The following RHOD variants were observed in gnomAD, a reference collection of about 807,000 sequenced individuals.
The protein encoded by RHOD is ras homolog family member D, also known as rho-related GTP-binding protein RhoD.
A neutral mutation model predicts 16.7 loss-of-function variants in RHOD; 11 were observed. The ratio of observed to expected loss-of-function variants is 0.66; its 90% CI spans 0.41 to 1.09. RHOD has a LOEUF of 1.09. RHOD is among the 50% of genes least tolerant of loss of function. The probability of loss-of-function intolerance (pLI) is 0.00; values close to 1 mark genes in which losing one functional copy is unlikely to be tolerated. For missense variants in RHOD, 271 were observed against 291.7 expected (o/e 0.93, Z 0.52); for synonymous variants, 124 against 126.3 (o/e 0.98, Z 0.12).
chr11:67,071,552 G>C lies in RHOD; in HGVS notation c.583G>C (p.Gly195Arg). The part of the protein sequence containing the change: ...EAAEVALSSR[G>R]RNFWRRITQG... ...CGCCGAGGTGGCCCTCAGCAGCCGC[G>C]GTCGCAACTTCTGGCGGCGGATTAC... Residue 195 changes from glycine (G) to arginine (R), a missense_variant, in exon 5 of 5, where the codon GGT becomes CGT. Gly to Arg is a moderately radical substitution (Grantham distance 125). Coordinates refer to ENST00000308831, the MANE Select transcript of RHOD (RefSeq NM_014578.4). 6.2e-7 allele frequency: 1 copy of C among 1,611,778 alleles called. No homozygotes were observed. Among genetic ancestry groups the C allele is most frequent in the Non-Finnish European group, 8.5e-7 (1 of 1,179,190 alleles).
intron 1 of RHOD, among the ~76,000 whole-genome samples, chr11:67,064,593 G>A (rs144307903): frequency 1.1e-4 from 17 of 152,286 alleles, no homozygotes; most frequent in South Asian, 2.1e-4. Context: ...CCCAGAGCAG[G>A]TATTGAGTCT....
intron 1 of RHOD, among the ~76,000 whole-genome samples, chr11:67,058,362 G>C (rs1456419348): frequency 6.6e-6 from 1 of 152,144 alleles, no homozygotes; most frequent in Non-Finnish European, 1.5e-5. Context: ...ATTTTTAGTA[G>C]AGACAGGGTT....
intron 3 of RHOD, 53 bp downstream of exon 3, chr11:67,066,900 C>T: frequency 8.5e-7 from 1 of 1,177,288 alleles, no homozygotes. Flanking sequence ...CCACTCCACT[C>T]TGCCACCCAC....
chr11:67,068,164 A>G (rs1003202223), intron 3 of RHOD, among the ~76,000 whole-genome samples: 1 of 152,218 alleles, frequency 6.6e-6, no homozygotes, highest in South Asian at 2.1e-4. Context: ...ACAAGGAGCA[A>G]GCTGGGTTCG....
At chr11:67,062,697 AGAGGGCCAGCGGGCAG>A (rs1854907319) in intron 1 of RHOD, among the ~76,000 whole-genome samples, 1 of 152,182 alleles carries the variant, frequency 6.6e-6, no homozygotes, top group South Asian at 2.1e-4. Context: ...GGCCTGACTC[AGAGGGCCAGCGGGCAG>A]GCAGGCGTGA....
chr11:67,058,215 C>T (rs1037064772), intron 1 of RHOD, among the ~76,000 whole-genome samples: 3 of 152,096 alleles, frequency 2.0e-5, no homozygotes, highest in South Asian at 4.1e-4. Flanking sequence ...CTCGCTCTGT[C>T]GCCAGGTTAG....
chr11:67,064,212 C>T (rs1854930237), intron 1 of RHOD, among the ~76,000 whole-genome samples: 1 of 151,088 alleles, frequency 6.6e-6, no homozygotes, highest in Non-Finnish European at 1.5e-5. Context: ...CGAGACCATC[C>T]TGGCTAACAC....
chr11:67,067,823 G>A (rs879619207), intron 3 of RHOD, among the ~76,000 whole-genome samples: 2 of 151,934 alleles, frequency 1.3e-5, no homozygotes, highest in African/African-American at 2.4e-5. Flanking sequence ...TTTTTGAAAC[G>A]GAGTCTTGCT....
intron 1 of RHOD, among the ~76,000 whole-genome samples, chr11:67,061,754 AAAT>A (rs1315584350): frequency 1.5e-4 from 19 of 129,092 alleles, no homozygotes; most frequent in African/African-American, 5.5e-4. Context: ...AAAAAAAAAA[AAAT>A]ATATATATAT....
chr11:67,062,589 A>T (rs1256737266), intron 1 of RHOD, among the ~76,000 whole-genome samples: 1 of 151,884 alleles, frequency 6.6e-6, no homozygotes, highest in South Asian at 2.1e-4. Context: ...TCAGCTGCCC[A>T]CTCTGGGACC....
chr11:67,066,009 T>TGGGGGG, intron 2 of RHOD, 26 bp downstream of exon 2: 1 of 566,860 alleles, frequency 1.8e-6, no homozygotes, highest in Non-Finnish European at 3.5e-6. Flanking sequence ...TGGGGCAGGG[T>TGGGGGG]GGGAGGGGCT....
chr11:67,061,226 G>T (rs543370750), intron 1 of RHOD, among the ~76,000 whole-genome samples: 1 of 152,272 alleles, frequency 6.6e-6, no homozygotes, highest in Non-Finnish European at 1.5e-5. Context: ...TTGGCCAGGC[G>T]TGGTGGCTCA....
chr11:67,066,742 A>G lies in RHOD; in HGVS notation c.225A>G (p.Gln75=). ...GACCACCTCCACTCTGCCCAGGGCA[A>G]GATGACTATGACCGCCTGCGGCCCC... ...VHLHIWDTAG[Q]DDYDRLRPLF... Residue 75 remains glutamine, a synonymous_variant, in exon 3 of 5, where the codon CAA becomes CAG. Transcript: ENST00000308831. 1 of 1,609,554 alleles carries G rather than the reference A, an allele frequency of 6.2e-7. No homozygotes were observed. The highest frequency in any genetic ancestry group is 1.7e-4 in the Middle Eastern group (1 of 6,048).
Position 67,067,795 on chromosome 11 carries a change from T to G in RHOD, c.330+948T>G, listed in dbSNP as rs557663529. 1.2e-3 allele frequency among the ~76,000 whole-genome samples: 179 copies of G among 151,210 alleles called. 1 individual carries two copies. The highest frequency in any genetic ancestry group is 2.3e-3 in the Admixed American group (35 of 15,122). On this transcript the variant is annotated intron_variant, in intron 3 of 4. Transcript: ENST00000308831. ...GGATGTGGGTGGGAGGGAGGAGTTT[T>G]TTTGTTTGTTTGTTTGTTTTTTGAA...
In RHOD at chr11:67,071,514, T is replaced by C; in HGVS notation, c.545T>C (p.Val182Ala). 6.2e-7 allele frequency: 1 copy of C among 1,611,960 alleles called. No individual in the cohort carries two copies. The highest frequency in any genetic ancestry group is 8.5e-7 in the Non-Finnish European group (1 of 1,179,598). The change falls in exon 5 of 5, where the codon GTC (valine) becomes GCC (alanine). Residue 182 changes from valine (V) to alanine (A), a missense_variant. Val to Ala is a moderately conservative substitution (Grantham distance 64). Coordinates refer to ENST00000308831, the MANE Select transcript of RHOD (RefSeq NM_014578.4). ...CGGCTCCATGACAACGTCCACGCCG[T>C]CTTCCAGGAGGCCGCCGAGGTGGCC... is the stretch of plus-strand genomic sequence containing the variant. ...SARLHDNVHA[V>A]FQEAAEVALS...
In RHOD at chr11:67,065,904, C is replaced by T; in HGVS notation, c.141C>T (p.Thr47=). 6.2e-7 allele frequency: 1 copy of T among 1,613,642 alleles called. No individual in the cohort carries two copies. Among genetic ancestry groups the T allele is most frequent in the Non-Finnish European group, 8.5e-7 (1 of 1,179,616 alleles). Residue 47 remains threonine (T), a synonymous_variant, in exon 2 of 5, where the codon ACC becomes ACT. Coordinates refer to ENST00000308831, the MANE Select transcript of RHOD (RefSeq NM_014578.4). ...GCCCTGCTTCTCCTCAGAGCTACAC[C>T]CCCACGGTGTTTGAGCGGTACATGG... ...FADGAFPESY[T]PTVFERYMVN...
chr11:67,064,427 GAGAA>G (rs1380078723), intron 1 of RHOD, among the ~76,000 whole-genome samples: 9 of 151,016 alleles, frequency 6.0e-5, no homozygotes, highest in Admixed American at 6.6e-5. Flanking sequence ...AAAGGAAAAA[GAGAA>G]GGAAAAAAAA....
intron 3 of RHOD, 85 bp downstream of exon 3, chr11:67,066,932 G>A: frequency 1.1e-6 from 1 of 909,912 alleles, no homozygotes; most frequent in Non-Finnish European, 1.8e-6. Flanking sequence ...CTGACTGTCA[G>A]AGCTTGGCAG....
chr11:67,070,538 G>A lies in RHOD; in HGVS notation c.444G>A (p.Leu148=). The A allele has an allele frequency of 6.2e-7, 1 of 1,614,104 alleles. No individual in the cohort carries two copies. The highest frequency in any genetic ancestry group is 8.5e-7 in the Non-Finnish European group (1 of 1,180,026). The change falls in exon 4 of 5, where the codon TTG becomes TTA. Residue 148 remains leucine (L), a synonymous_variant. Transcript: ENST00000308831. Reference sequence around the variant, plus strand: ...TGAACAAGCTCCGAAGAAACGGATTGGAGCCTGTGACCTACCACAGGGTAG... The same window carrying A: ...TGAACAAGCTCCGAAGAAACGGATTAGAGCCTGTGACCTACCACAGGGTAG... ...SLVNKLRRNG[L]EPVTYHRGQE...
Sources: gnomAD v4.1 joint callset for allele counts (sites outside exome capture counted in the v4.1 genomes callset) on GRCh38, gnomAD v4.1.1 for gene constraint, MANE v1.5 for transcripts, NCBI Gene and HGNC (gene_info 2026-07-23, HGNC 2026-07-21) for gene names.